Variants in UIMC1 observed in about 807,000 individuals in gnomAD.
UIMC1 encodes the protein BRCA1-A complex subunit RAP80.
In UIMC1, 42 loss-of-function variants were observed where a neutral mutation model predicts 84.9. The ratio of observed to expected loss-of-function variants is 0.49; its 90% CI spans 0.39 to 0.64. UIMC1 has a LOEUF of 0.64. Ranked by LOEUF, UIMC1 falls within the 30% of genes least tolerant of loss-of-function variation. UIMC1 has a pLI of 0.00. For missense variants in UIMC1, 825 were observed against 847.6 expected (o/e 0.97, Z 0.33); for synonymous variants, 281 against 293.0 (o/e 0.96, Z 0.42).
intron 1 of UIMC1, among the ~76,000 whole-genome samples, chr5:176,999,297 G>T (rs1360143927): frequency 1.3e-5 from 2 of 152,022 alleles, no homozygotes; most frequent in Non-Finnish European, 2.9e-5. Context: ...GGGTACATAG[G>T]TGCATATATT....
chr5:176,975,632 C>T (rs934256004), intron 2 of UIMC1, 152 bp from the exon 3 acceptor site: 2 of 692,802 alleles, frequency 2.9e-6, no homozygotes, highest in East Asian at 2.8e-5. Context: ...CTTTTCAGTA[C>T]AAAAGGGAAA....
chr5:176,976,123 C>T (rs1770017909), intron 2 of UIMC1, among the ~76,000 whole-genome samples: 1 of 152,064 alleles, frequency 6.6e-6, no homozygotes, highest in Non-Finnish European at 1.5e-5. Flanking sequence ...TAGAGAGATC[C>T]TGTCCTTAAC....
At chr5:177,003,199 C>T (rs938975730) in intron 1 of UIMC1, among the ~76,000 whole-genome samples, 3 of 151,238 alleles carry the variant, frequency 2.0e-5, no homozygotes, top group Admixed American at 6.6e-5. Context: ...AAATGCATAC[C>T]CACACACACA....
intron 1 of UIMC1, among the ~76,000 whole-genome samples, chr5:177,014,976 T>C (rs1775642268): frequency 6.6e-6 from 1 of 152,206 alleles, no homozygotes; most frequent in African/African-American, 2.4e-5. Flanking sequence ...CTCATGCCTG[T>C]AATCCCAGCA....
intron 1 of UIMC1, among the ~76,000 whole-genome samples, chr5:176,990,167 C>T (rs1358883698): frequency 6.7e-6 from 1 of 149,346 alleles, no homozygotes; most frequent in Non-Finnish European, 1.5e-5. Flanking sequence ...GGCAACAGAG[C>T]GAGACTCTGT....
chr5:176,951,956 T>C (rs1765936608), intron 8 of UIMC1, among the ~76,000 whole-genome samples: 1 of 152,242 alleles, frequency 6.6e-6, no homozygotes, highest in Non-Finnish European at 1.5e-5. Context: ...ATGACCAGTT[T>C]ACTTTATGTT....
chr5:176,975,371 C>T (rs1471233526), intron 3 of UIMC1, 25 bp downstream of exon 3: 1 of 1,610,036 alleles, frequency 6.2e-7, no homozygotes, highest in South Asian at 1.1e-5. Flanking sequence ...ATTCCCAAAC[C>T]ATTATCAACA....
At chr5:177,018,001 T>A (rs1775708082) in intron 1 of UIMC1, among the ~76,000 whole-genome samples, 1 of 152,046 alleles carries the variant, frequency 6.6e-6, no homozygotes, top group Non-Finnish European at 1.5e-5. Context: ...TGATATTACA[T>A]ACTCAGTAGA....
chr5:177,018,647 C>A (rs1403351013), intron 1 of UIMC1, among the ~76,000 whole-genome samples: 1 of 152,190 alleles, frequency 6.6e-6, no homozygotes, highest in Non-Finnish European at 1.5e-5. Context: ...ATCACCTGCA[C>A]TGCCAGGTCC....
intron 10 of UIMC1, among the ~76,000 whole-genome samples, chr5:176,926,325 T>C (rs1211832427): frequency 2.0e-5 from 3 of 152,096 alleles, no homozygotes; most frequent in Middle Eastern, 3.4e-3. Flanking sequence ...TACAATTTTG[T>C]AGGAGAATGA....
intron 7 of UIMC1, among the ~76,000 whole-genome samples, chr5:176,957,468 G>GT (rs1173032215): frequency 2.0e-5 from 3 of 152,132 alleles, no homozygotes; most frequent in Admixed American, 6.6e-5. Flanking sequence ...GACTTAGAAG[G>GT]TAAGCCCATC....
intron 9 of UIMC1, among the ~76,000 whole-genome samples, chr5:176,946,778 T>C (rs1364970420): frequency 6.6e-6 from 1 of 151,920 alleles, no homozygotes; most frequent in African/African-American, 2.4e-5. Flanking sequence ...GAGGTTCCAG[T>C]GAGCCGAGAT....
At chr5:176,914,046 C>CCATACCATAT (rs1469413442) in intron 10 of UIMC1, among the ~76,000 whole-genome samples, 1 of 150,202 alleles carries the variant, frequency 6.7e-6, no homozygotes, top group African/African-American at 2.5e-5. Flanking sequence ...ATACACCATA[C>CCATACCATAT]CATACCATAC....
chr5:176,960,074 G>C (rs1767150162), intron 6 of UIMC1, among the ~76,000 whole-genome samples: 1 of 152,200 alleles, frequency 6.6e-6, no homozygotes, highest in South Asian at 2.1e-4. Flanking sequence ...TGCCAGGCCT[G>C]TGCTAATCAC....
chr5:176,946,252 C>T lies in UIMC1; in HGVS notation c.1444-2764G>A, dbSNP rs572823058. Among the ~76,000 whole-genome samples, 19 of 152,250 alleles carry T rather than the reference C, an allele frequency of 1.2e-4. 1 individual carries two copies. Among genetic ancestry groups the T allele is most frequent in the African/African-American group, 3.9e-4 (16 of 41,554 alleles). On this transcript the variant is annotated intron_variant, in intron 9 of 14. Coordinates refer to ENST00000511320, the MANE Select transcript of UIMC1 (RefSeq NM_001199298.2). ...ACAAAGAGAGAGCCCCGATGCATTG[C>T]GGGCTGCTGGCCAGATCCCACAATA... is the stretch of plus-strand genomic sequence containing the variant.
At chr5:176,926,151 A>G (rs1762364042) in intron 10 of UIMC1, among the ~76,000 whole-genome samples, 2 of 152,184 alleles carry the variant, frequency 1.3e-5, no homozygotes, top group Non-Finnish European at 2.9e-5. Flanking sequence ...AGATGAATAA[A>G]GAGATATGAC....
At chr5:176,984,914 A>G (rs1771734283) in intron 1 of UIMC1, among the ~76,000 whole-genome samples, 1 of 152,146 alleles carries the variant, frequency 6.6e-6, no homozygotes, top group South Asian at 2.1e-4. Context: ...AAGAGTCATC[A>G]CCACTCCCTA....
At chr5:176,928,670 G>A (rs553888734) in intron 10 of UIMC1, among the ~76,000 whole-genome samples, 2 of 152,284 alleles carry the variant, frequency 1.3e-5, no homozygotes, top group South Asian at 4.1e-4. Flanking sequence ...AAAAATTATC[G>A]GCTGAGCGCA....
At chr5:176,992,169 C>T (rs1772964451) in intron 1 of UIMC1, among the ~76,000 whole-genome samples, 2 of 152,076 alleles carry the variant, frequency 1.3e-5, no homozygotes, top group Admixed American at 1.3e-4. Flanking sequence ...GCCAAGAGTT[C>T]TTAACCTGTC....
Sources: gnomAD v4.1 joint callset for allele counts (sites outside exome capture counted in the v4.1 genomes callset) on GRCh38, gnomAD v4.1.1 for gene constraint, MANE v1.5 for transcripts, NCBI Gene and HGNC (gene_info 2026-07-23, HGNC 2026-07-21) for gene names.